The following NEMP2 variants were observed in gnomAD, a reference collection of about 807,000 sequenced individuals.
NEMP2 encodes nuclear envelope integral membrane protein 2, also known as UPF0571 transmembrane protein.
In NEMP2, 53 loss-of-function variants were observed where a neutral mutation model predicts 54.2. The ratio of observed to expected loss-of-function variants is 0.98; its 90% confidence interval spans 0.78 to 1.23. The LOEUF (loss-of-function observed/expected upper bound fraction) is 1.23, where lower values mean the gene tolerates loss of function less well. Among genes scored for constraint, NEMP2 ranks in the 50% most tolerant of loss-of-function variants. The pLI is 0.00. For synonymous variants in NEMP2, 197 were observed against 190.3 expected (o/e 1.04, Z -0.29); for missense variants, 455 against 511.3 (o/e 0.89, Z 1.06).
In NEMP2 at chr2:190,527,397, C is replaced by T. The variant is rs925321618; in HGVS notation, c.98-2019G>A. Among the ~76,000 whole-genome samples, 4 of 152,126 alleles carry T rather than the reference C, an allele frequency of 2.6e-5. 1 individual carries two copies. The East Asian group carries it at 5.8e-4, about 22-fold the overall frequency. On this transcript the variant is annotated intron_variant, in intron 1 of 8. Transcript: ENST00000409150. The surrounding 1 kb of genome is among the most constrained non-coding windows in gnomAD (Gnocchi z 4.0). Reference sequence around the variant, plus strand: ...TTGGGGAAAGGATCCTGGGAATGCTCGCCATCTCCCAGAACACAACTCCAT... The same window carrying T: ...TTGGGGAAAGGATCCTGGGAATGCTTGCCATCTCCCAGAACACAACTCCAT...
chr2:190,510,031 ACT>A lies in NEMP2; in HGVS notation c.1130+328_1130+329del, dbSNP rs1443281223. 1.3e-5 allele frequency among the ~76,000 whole-genome samples: 2 copies of A among 152,182 alleles called. No homozygotes were observed. The highest frequency in any genetic ancestry group is 1.5e-5 in the Non-Finnish European group (1 of 68,032). On this transcript the variant is annotated intron_variant, in intron 8 of 8. Transcript: ENST00000409150. The surrounding 1 kb of genome is among the most constrained non-coding windows in gnomAD (Gnocchi z 5.7). The stretch of plus-strand genomic sequence containing the variant: ...ACTCCAGCCTGGGTGACAGAGCAAG[ACT>A]CCATCTAAAACAAAACAAAACAAAA...
the NEMP2 span, among the ~76,000 whole-genome samples, chr2:190,578,640 A>G: frequency 3.5e-4 from 54 of 152,216 alleles, no homozygotes; most frequent in East Asian, 0.01. This position sits in a 1 kb window ranked among gnomAD's most constrained non-coding sequence, Gnocchi z 4.4. Flanking sequence ...CTGGGCGTGT[A>G]TCTGAGAGAT....
the NEMP2 span, among the ~76,000 whole-genome samples, chr2:190,485,710 A>G: frequency 2.0e-5 from 3 of 152,136 alleles, no homozygotes; most frequent in African/African-American, 4.8e-5. This position sits in a 1 kb window ranked among gnomAD's most constrained non-coding sequence, Gnocchi z 5.1. Context: ...AGGGTATTGC[A>G]ATTGTTTTGC....
At chr2:190,584,957 AAGAAAG>A in the NEMP2 span, among the ~76,000 whole-genome samples, 779 of 122,872 alleles carry the variant, frequency 6.3e-3, 10 homozygotes, top group African/African-American at 0.021. The surrounding 1 kb of genome is among the most constrained non-coding windows in gnomAD (Gnocchi z 4.2). Context: ...GAAAGAAAGA[AAGAAAG>A]AGACATAATG....
At chr2:190,477,956 G>A in the NEMP2 span, among the ~76,000 whole-genome samples, 603 of 152,310 alleles carry the variant, frequency 4.0e-3, 5 homozygotes, top group Non-Finnish European at 6.9e-3. Context: ...TGGGGGAAGA[G>A]CTGTGTGCGA....
Position 190,510,356 on chromosome 2 carries a change from CT to C in NEMP2, c.1130+4del, listed in dbSNP as rs1227418840. On this transcript the variant is annotated splice_donor_region_variant and intron_variant, in intron 8 of 8. Transcript: ENST00000409150. This position sits in a 1 kb window ranked among gnomAD's most constrained non-coding sequence, Gnocchi z 5.7. ...CTATGGTCCGAGCAGCAGAGCGGGA[CT>C]TACTTGCTAGGAGTGTGGAGTCTGG... 9 of 1,551,618 alleles carry C rather than the reference CT, an allele frequency of 5.8e-6. No individual in the cohort carries two copies. The highest frequency in any genetic ancestry group is 2.0e-5 in the Admixed American group (1 of 51,000).
chr2:190,596,713 A>G, the NEMP2 span, among the ~76,000 whole-genome samples: 1 of 152,238 alleles, frequency 6.6e-6, no homozygotes, highest in Non-Finnish European at 1.5e-5. This position sits in a 1 kb window ranked among gnomAD's most constrained non-coding sequence, Gnocchi z 5.1. Context: ...TTTTACCTTT[A>G]CTATAAATTT....
chr2:190,510,550 A>G lies in NEMP2; in HGVS notation c.954-13T>C. 6.4e-7 allele frequency: 1 copy of G among 1,551,634 alleles called. No individual in the cohort carries two copies. Among genetic ancestry groups the G allele is most frequent in the Non-Finnish European group, 8.7e-7 (1 of 1,146,878 alleles). The stretch of plus-strand genomic sequence containing the variant: ...CTGCTCCATTTTCCTAAAACATGGC[A>G]TGTGGTTGCAGGATTACTTCCTAAT... On this transcript the variant is annotated splice_polypyrimidine_tract_variant and intron_variant, in intron 7 of 8. Coordinates refer to ENST00000409150, the MANE Select transcript of NEMP2 (RefSeq NM_001142645.2). The surrounding 1 kb of genome is among the most constrained non-coding windows in gnomAD (Gnocchi z 5.7).
chr2:190,476,647 G>T, the NEMP2 span, among the ~76,000 whole-genome samples: 3 of 152,160 alleles, frequency 2.0e-5, no homozygotes, highest in Non-Finnish European at 2.9e-5. Flanking sequence ...TCAGTGTGGC[G>T]ATTCCTCAGG....
intron 5 of NEMP2, among the ~76,000 whole-genome samples, chr2:190,516,731 A>C (rs912384778): frequency 1.3e-5 from 2 of 152,208 alleles, no homozygotes; most frequent in African/African-American, 4.8e-5. Context: ...TGCAAACTTT[A>C]ATCAGTGTAA....
chr2:190,622,302 G>A, the NEMP2 span, among the ~76,000 whole-genome samples: 1 of 151,334 alleles, frequency 6.6e-6, no homozygotes, highest in Non-Finnish European at 1.5e-5. Context: ...CAGCTACTCA[G>A]GAGGCTGAGG....
In NEMP2 at chr2:190,505,142, G is replaced by T. The variant is rs1361450741; in HGVS notation, c.*4047C>A. 2 of 152,172 alleles carry T rather than the reference G, an allele frequency of 1.3e-5. No individual in the cohort carries two copies. The highest frequency in any genetic ancestry group is 2.4e-5 in the African/African-American group (1 of 41,430). 9.4% of individuals were successfully genotyped at this position (152,172 alleles called of 1,614,324 possible). On this transcript the variant is annotated 3_prime_UTR_variant, in exon 9 of 9. Coordinates refer to ENST00000409150, the MANE Select transcript of NEMP2 (RefSeq NM_001142645.2). The surrounding 1 kb of genome is among the most constrained non-coding windows in gnomAD (Gnocchi z 5.8). ...GACTGGTATGTGTATAACATCAGCA[G>T]ATGTAGTCACCTCTTGAATGCCTTA... is the stretch of plus-strand genomic sequence containing the variant.
At chr2:190,577,009 A>G in the NEMP2 span, among the ~76,000 whole-genome samples, 1 of 152,200 alleles carries the variant, frequency 6.6e-6, no homozygotes, top group South Asian at 2.1e-4. This position sits in a 1 kb window ranked among gnomAD's most constrained non-coding sequence, Gnocchi z 4.8. Flanking sequence ...TGCATAATAC[A>G]CTGGGCTGAG....
rs375242426 is a variant in NEMP2, at chr2:190,510,387, G to T, written c.1104C>A (p.Val368=). The change falls in exon 8 of 9, where the codon GTC becomes GTA. Residue 368 remains valine (V), a synonymous_variant. Coordinates refer to ENST00000409150, the MANE Select transcript of NEMP2 (RefSeq NM_001142645.2). This position sits in a 1 kb window ranked among gnomAD's most constrained non-coding sequence, Gnocchi z 5.7. The part of the protein sequence containing the change: ...CRKPDFPSWL[V]VSRLHTPSKF... ...TGCTAGGAGTGTGGAGTCTGGAGAC[G>T]ACCAGCCATGAGGGAAAGTCGGGTT... is the stretch of plus-strand genomic sequence containing the variant. The T allele has an allele frequency of 1.3e-6, 2 of 1,551,674 alleles. No homozygotes were observed. The highest frequency in any genetic ancestry group is 1.2e-5 in the South Asian group (1 of 84,026).
At chr2:190,556,392 G>A in the NEMP2 span, among the ~76,000 whole-genome samples, 7 of 152,242 alleles carry the variant, frequency 4.6e-5, no homozygotes, top group East Asian at 1.9e-4. Context: ...AGCAAAAATT[G>A]GAAGCATTCC....
chr2:190,440,769 T>A, the NEMP2 span, among the ~76,000 whole-genome samples: 1 of 152,236 alleles, frequency 6.6e-6, no homozygotes, highest in Non-Finnish European at 1.5e-5. Context: ...CCGGGGGGGT[T>A]ACATTACCTA....
intron 7 of NEMP2, among the ~76,000 whole-genome samples, chr2:190,511,105 T>C (rs767497437): frequency 2.8e-4 from 42 of 152,302 alleles, no homozygotes; most frequent in Middle Eastern, 3.4e-3. Context: ...CAGATGTTAA[T>C]TGTATTTTTC....
the NEMP2 span, among the ~76,000 whole-genome samples, chr2:190,494,536 G>A: frequency 1.3e-5 from 2 of 151,904 alleles, no homozygotes; most frequent in Admixed American, 1.3e-4. This position sits in a 1 kb window ranked among gnomAD's most constrained non-coding sequence, Gnocchi z 5.7. Context: ...ACCAGGAAAG[G>A]ACATAACAAA....
At chr2:190,574,330 G>T in the NEMP2 span, among the ~76,000 whole-genome samples, 2 of 152,046 alleles carry the variant, frequency 1.3e-5, no homozygotes, top group Non-Finnish European at 2.9e-5. Context: ...CCTGAAAGCA[G>T]TTAAGATATA....
Sources: allele counts gnomAD v4.1 joint callset (sites outside exome capture counted in the v4.1 genomes callset), GRCh38; gene constraint gnomAD v4.1.1; non-coding constraint Gnocchi (gnomAD v3.1); transcripts MANE v1.5; gene names NCBI Gene and HGNC (gene_info 2026-07-23, HGNC 2026-07-21).